The following ELP2 variants were observed in gnomAD, a reference collection of about 807,000 sequenced individuals.
ELP2 encodes elongator acetyltransferase complex subunit 2.
A neutral mutation model predicts 119.2 loss-of-function variants in ELP2; 90 were observed. The observed-to-expected ratio is 0.75, with a 90% CI of 0.64 to 0.90. The LOEUF is 0.90. Among genes scored for constraint, ELP2 ranks in the 40% least tolerant of loss-of-function variants. ELP2 has a pLI of 0.00. For missense variants in ELP2, 921 were observed against 967.8 expected (o/e 0.95, Z 0.64); for synonymous variants, 339 against 331.0 (o/e 1.02, Z -0.26).
chr18:36,170,219 G>A (rs755916652), intron 20 of ELP2, 23 bp downstream of exon 20: 9 of 1,613,642 alleles, frequency 5.6e-6, no homozygotes, highest in Non-Finnish European at 6.8e-6. Context: ...GTGGGGCTTA[G>A]TTTTAAGAGG....
chr18:36,144,473 A>G (rs756456002), intron 8 of ELP2, among the ~76,000 whole-genome samples: 21 of 152,188 alleles, frequency 1.4e-4, no homozygotes, highest in Non-Finnish European at 2.9e-4. Context: ...TTCACAGGGC[A>G]TCTCCCACCA....
At chr18:36,166,188 G>A (rs960294048) in intron 18 of ELP2, among the ~76,000 whole-genome samples, 4 of 132,548 alleles carry the variant, frequency 3.0e-5, no homozygotes, top group Non-Finnish European at 5.0e-5. Context: ...GTGAGACTTC[G>A]TCCCCCTGCA....
intron 11 of ELP2, among the ~76,000 whole-genome samples, chr18:36,152,763 C>T (rs912403037): frequency 4.8e-4 from 73 of 152,312 alleles, no homozygotes; most frequent in Non-Finnish European, 6.2e-4. Context: ...GGTCCTGCAT[C>T]AACCCAAACA....
chr18:36,147,926 G>A (rs1265140372), intron 11 of ELP2, among the ~76,000 whole-genome samples: 1 of 151,662 alleles, frequency 6.6e-6, no homozygotes, highest in Non-Finnish European at 1.5e-5. Flanking sequence ...GGGAGAAGGG[G>A]TGCCAAGCTC....
intron 2 of ELP2, among the ~76,000 whole-genome samples, chr18:36,134,394 T>C (rs77404741): frequency 0.054 from 8,206 of 152,292 alleles, 340 homozygotes; most frequent in East Asian, 0.17. Flanking sequence ...AAAATCCAGC[T>C]ATATTCTAAT....
At chr18:36,167,268 T>C (rs2090936890) in intron 19 of ELP2, 46 bp downstream of exon 19, 1 of 1,395,902 alleles carries the variant, frequency 7.2e-7, no homozygotes, top group African/African-American at 1.4e-5. Flanking sequence ...AAAAATAATA[T>C]TTTTATAGGT....
chr18:36,143,013 A>G (rs891914073), intron 8 of ELP2, 47 bp downstream of exon 8: 3 of 1,431,760 alleles, frequency 2.1e-6, no homozygotes, highest in Admixed American at 4.0e-5. Context: ...TAGGTCTCCT[A>G]GTTGGTTGAT....
At chr18:36,147,046 C>G (rs867149650) in intron 11 of ELP2, among the ~76,000 whole-genome samples, 39 of 151,704 alleles carry the variant, frequency 2.6e-4, no homozygotes, top group African/African-American at 8.5e-4. Context: ...TTAGTTAATC[C>G]CTGTCTCAGG....
intron 21 of ELP2, among the ~76,000 whole-genome samples, chr18:36,173,160 CAT>C (rs750816423): frequency 3.3e-5 from 5 of 152,192 alleles, no homozygotes; most frequent in Non-Finnish European, 7.3e-5. Flanking sequence ...AGTTATACCA[CAT>C]ATGTTTATTT....
At chr18:36,138,707 C>A in intron 4 of ELP2, 88 bp from the exon 5 acceptor site, 1 of 1,132,452 alleles carries the variant, frequency 8.8e-7, no homozygotes, top group Non-Finnish European at 1.3e-6. Context: ...CTTCTGCTAC[C>A]TGGGGCTGTG....
In ELP2 at chr18:36,152,281, T is replaced by G. The variant is rs79325765; in HGVS notation, c.1126-2569T>G. Among the ~76,000 whole-genome samples, 204 of 152,304 alleles carry G rather than the reference T, an allele frequency of 1.3e-3. 3 individuals are homozygous for G. In the East Asian group the frequency reaches 0.024, roughly 18 times the overall value. ...TGTTTCTTAATAACCATCTAAAGAT[T>G]TCCACCCTGCCTTTGAATCTCTCCC... On this transcript the variant is annotated intron_variant, in intron 11 of 21. Transcript: ENST00000358232.
chr18:36,160,082 C>G (rs2090689634), intron 16 of ELP2, 67 bp downstream of exon 16: 5 of 1,461,784 alleles, frequency 3.4e-6, no homozygotes, highest in Non-Finnish European at 4.8e-6. Context: ...CCTCCCCACC[C>G]CACAATCTGA....
At chr18:36,147,097 T>G (rs1268842496) in intron 11 of ELP2, among the ~76,000 whole-genome samples, 1 of 150,980 alleles carries the variant, frequency 6.6e-6, no homozygotes, top group Admixed American at 6.6e-5. Flanking sequence ...TTTTTTTTTT[T>G]TTTTTCTTTT....
At chr18:36,150,665 A>G (rs1598780302) in intron 11 of ELP2, among the ~76,000 whole-genome samples, 1 of 152,288 alleles carries the variant, frequency 6.6e-6, no homozygotes, top group East Asian at 1.9e-4. Flanking sequence ...TCTAGCTTCT[A>G]CCCTGCATTG....
chr18:36,145,268 C>A (rs2090161988), intron 9 of ELP2: 2 of 489,554 alleles, frequency 4.1e-6, no homozygotes, highest in South Asian at 2.2e-5. Flanking sequence ...GAAACTACCA[C>A]ACCCCCAGTA....
chr18:36,133,732 ATTTATT>A (rs945802073), intron 2 of ELP2, among the ~76,000 whole-genome samples: 5 of 46,264 alleles, frequency 1.1e-4, no homozygotes, highest in Admixed American at 4.2e-4. Flanking sequence ...TTATTTATTT[ATTTATT>A]TTTTTTTTGC....
intron 20 of ELP2, 145 bp from the exon 21 acceptor site, chr18:36,170,902 G>A: frequency 1.4e-6 from 1 of 703,694 alleles, no homozygotes; most frequent in Non-Finnish European, 2.6e-6. Flanking sequence ...CAGGAGAGCA[G>A]TGCAGCATGT....
chr18:36,140,205 G>GC (rs1441145327), intron 5 of ELP2, among the ~76,000 whole-genome samples: 6 of 151,612 alleles, frequency 4.0e-5, no homozygotes, highest in Non-Finnish European at 1.5e-5. Flanking sequence ...TCATTCTGTT[G>GC]CCCAGGCTGG....
intron 11 of ELP2, 42 bp downstream of exon 11, chr18:36,146,423 G>C: frequency 6.3e-7 from 1 of 1,599,420 alleles, no homozygotes; most frequent in South Asian, 1.1e-5. Flanking sequence ...TAATCAAATA[G>C]AGTACATTCT....
Sources: allele counts gnomAD v4.1 joint callset (sites outside exome capture counted in the v4.1 genomes callset), GRCh38; gene constraint gnomAD v4.1.1; transcripts MANE v1.5; gene names NCBI Gene and HGNC (gene_info 2026-07-23, HGNC 2026-07-21).